Variants in DNAAF4 observed in about 807,000 individuals in gnomAD.
DNAAF4 encodes dynein assembly factor 4, axonemal.
A neutral mutation model predicts 51.8 loss-of-function variants in DNAAF4; 43 were observed. That is an observed-to-expected ratio of 0.83 (90% confidence interval 0.65 to 1.07). DNAAF4 has a LOEUF of 1.07. Ranked by LOEUF, DNAAF4 falls within the 50% of genes least tolerant of loss-of-function variation. The probability of loss-of-function intolerance (pLI) is 0.00; values close to 1 mark genes in which losing one functional copy is unlikely to be tolerated. For synonymous variants in DNAAF4, 194 were observed against 165.6 expected, an observed-to-expected ratio of 1.17 and a Z score of -1.32; for missense variants, 581 against 493.0, an observed-to-expected ratio of 1.18 and a Z score of -1.69.
chr15:55,451,485 A>G (rs921423344), intron 5 of DNAAF4, among the ~76,000 whole-genome samples: 4 of 152,236 alleles, frequency 2.6e-5, no homozygotes, highest in Non-Finnish European at 5.9e-5. Flanking sequence ...TTGTGAATAC[A>G]TTACTCAAAT....
rs150234537 is a variant in DNAAF4 at position 55,435,042 on chromosome 15, C to A, written c.910G>T (p.Glu304Ter). ...GCATTGATAGCTGCCAAATAGTTTTCCGTTGCAAACAATTTGCTAATGAGA... is the reference window on the plus strand; with the variant it reads ...GCATTGATAGCTGCCAAATAGTTTTACGTTGCAAACAATTTGCTAATGAGA... Reference protein sequence around the residue: ...KDKGNKLFATENYLAAINAYN... With the variant: ...KDKGNKLFAT Residue 304 changes from glutamate (E) to a stop codon, truncating the protein, a stop_gained, in exon 8 of 10, where the codon GAA becomes TAA. Coordinates refer to ENST00000321149, the MANE Select transcript of DNAAF4 (RefSeq NM_130810.4). LOFTEE classifies it high-confidence loss of function. 2.5e-6 allele frequency: 4 copies of A among 1,588,568 alleles called. No individual in the cohort carries two copies. The African/African-American group carries it at 4.1e-5, about 16-fold the overall frequency.
At chr15:55,427,728 C>T (rs1014219261), downstream of DNAAF4, among the ~76,000 whole-genome samples, 2 of 151,796 alleles carry the variant, frequency 1.3e-5, no homozygotes, top group Admixed American at 6.6e-5. Context: ...CTCCGCCTCC[C>T]GGGTTCAAGG....
chr15:55,490,158 C>A (rs1386524674), intron 4 of DNAAF4, among the ~76,000 whole-genome samples: 1 of 152,062 alleles, frequency 6.6e-6, no homozygotes, highest in African/African-American at 2.4e-5. Context: ...CAGGCATGAG[C>A]CACTGCGCTT....
chr15:55,466,027 GA>G (rs1286560412), intron 5 of DNAAF4, among the ~76,000 whole-genome samples: 4 of 152,242 alleles, frequency 2.6e-5, no homozygotes, highest in Admixed American at 2.0e-4. Flanking sequence ...CAAAATCTCA[GA>G]AATCACCACT....
chr15:55,464,774 C>T (rs1440236884), intron 5 of DNAAF4, among the ~76,000 whole-genome samples: 1 of 152,064 alleles, frequency 6.6e-6, no homozygotes, highest in East Asian at 1.9e-4. Context: ...TCGAGACCAG[C>T]CTGACCAACA....
At position 55,498,131 on chromosome 15, in the gene DNAAF4, C is replaced by A. The variant is rs866509282; in HGVS notation, c.123+76G>T. 2.1e-5 allele frequency: 33 copies of A among 1,603,230 alleles called. No homozygotes were observed. In the South Asian group the frequency reaches 3.7e-4, roughly 18 times the overall value. ...TTTATCGGCAAAGATGAGCCTGTTG[C>A]TCGTGCCCAGCTGCGCTCTTGCAGA... On this transcript the variant is annotated intron_variant, in intron 2 of 9. Coordinates refer to ENST00000321149, the MANE Select transcript of DNAAF4 (RefSeq NM_130810.4).
chr15:55,462,422 C>T (rs1440834013), intron 5 of DNAAF4, among the ~76,000 whole-genome samples: 1 of 152,086 alleles, frequency 6.6e-6, no homozygotes, highest in African/African-American at 2.4e-5. Flanking sequence ...GAACTCCTGA[C>T]CTCAGGAGAT....
chr15:55,498,249 G>A lies in DNAAF4; in HGVS notation c.81C>T (p.Cys27=), dbSNP rs747528905. 1.2e-6 allele frequency: 2 copies of A among 1,613,776 alleles called. No homozygotes were observed. Among genetic ancestry groups the A allele is most frequent in the Non-Finnish European group, 1.7e-6 (2 of 1,179,850 alleles). ...TGCAGAACACGTCCGTGTCTCTGAC[G>A]CACACGCCTTTGAGGGGCAGAGACA... The part of the protein sequence containing the change: ...VFLSLPLKGV[C]VRDTDVFCTE... The change falls in exon 2 of 10, where the codon TGC becomes TGT. Residue 27 remains cysteine (C), a synonymous_variant. Transcript: ENST00000321149.
At chr15:55,420,671 A>C (rs1343515279) in intron 7 of DNAAF4, among the ~76,000 whole-genome samples, 1 of 152,192 alleles carries the variant, frequency 6.6e-6, no homozygotes, top group Non-Finnish European at 1.5e-5. Flanking sequence ...CAAAACATCA[A>C]ATAGTGGGGC....
chr15:55,498,065 TATGGG>T, intron 2 of DNAAF4, 137 bp downstream of exon 2: 1 of 1,436,270 alleles, frequency 7.0e-7, no homozygotes, highest in East Asian at 2.4e-5. Flanking sequence ...GTGTTACCTG[TATGGG>T]ATTCATTTTT....
chr15:55,484,504 A>C (rs1020351039), intron 4 of DNAAF4, among the ~76,000 whole-genome samples: 1 of 151,702 alleles, frequency 6.6e-6, no homozygotes, highest in South Asian at 2.1e-4. Flanking sequence ...AAAAAAAAAA[A>C]CAGAATTACC....
At chr15:55,477,649 C>T (rs896582440) in intron 4 of DNAAF4, among the ~76,000 whole-genome samples, 13 of 85,428 alleles carry the variant, frequency 1.5e-4, no homozygotes, top group Admixed American at 1.0e-3. Context: ...TGTATGTATG[C>T]GTGTGTGTGT....
intron 8 of DNAAF4, among the ~76,000 whole-genome samples, chr15:55,433,861 A>AT (rs2057543982): frequency 3.7e-5 from 2 of 53,678 alleles, no homozygotes; most frequent in Admixed American, 6.3e-4. Context: ...ATATTATAAT[A>AT]TATATTATAT....
chr15:55,433,988 TA>T (rs2057562795), intron 8 of DNAAF4, among the ~76,000 whole-genome samples: 2 of 69,944 alleles, frequency 2.9e-5, no homozygotes, highest in African/African-American at 1.1e-4. Context: ...TTATATATAA[TA>T]TATATAATAT....
chr15:55,458,998 C>G (rs1003857686), intron 5 of DNAAF4, among the ~76,000 whole-genome samples: 7 of 151,736 alleles, frequency 4.6e-5, no homozygotes, highest in African/African-American at 9.7e-5. Flanking sequence ...ATTGCTTGAA[C>G]CCGGGAGTTG....
intron 8 of DNAAF4, among the ~76,000 whole-genome samples, chr15:55,433,857 TA>T (rs1480093403): frequency 0.021 from 1,003 of 46,708 alleles, 13 homozygotes; most frequent in Non-Finnish European, 0.031. Flanking sequence ...ATATATATTA[TA>T]ATATATATTA....
intron 5 of DNAAF4, among the ~76,000 whole-genome samples, chr15:55,455,191 GC>G (rs2141473923): frequency 1.4e-5 from 2 of 147,398 alleles, no homozygotes; most frequent in African/African-American, 5.0e-5. Context: ...GTTTTACTAA[GC>G]CTTAAAACAA....
At chr15:55,457,413 A>G (rs1190144248) in intron 5 of DNAAF4, among the ~76,000 whole-genome samples, 2 of 151,984 alleles carry the variant, frequency 1.3e-5, no homozygotes, top group Non-Finnish European at 2.9e-5. Context: ...ACCCAAGGGG[A>G]GCCTGAGCCC....
intron 6 of DNAAF4, among the ~76,000 whole-genome samples, chr15:55,445,285 C>T (rs1213263567): frequency 6.6e-6 from 1 of 152,002 alleles, no homozygotes; most frequent in Non-Finnish European, 1.5e-5. Context: ...TAACAAAGCA[C>T]ATCTTGCACC....
Sources: allele counts gnomAD v4.1 joint callset (sites outside exome capture counted in the v4.1 genomes callset), GRCh38; gene constraint gnomAD v4.1.1; transcripts MANE v1.5; gene names NCBI Gene and HGNC (gene_info 2026-07-23, HGNC 2026-07-21).